Variants in MTUS2 observed in about 807,000 individuals in gnomAD.
MTUS2 encodes microtubule-associated tumor suppressor candidate 2.
A neutral mutation model predicts 114.1 loss-of-function variants in MTUS2; 40 were observed. That is an observed-to-expected ratio of 0.35 (90% CI 0.27 to 0.46). MTUS2 has a LOEUF of 0.46. Ranked by LOEUF, MTUS2 falls within the 20% of genes least tolerant of loss-of-function variation. The pLI, the probability that MTUS2 is intolerant of heterozygous loss-of-function variation, is 1.00. For synonymous variants in MTUS2, 688 were observed against 672.0 expected (o/e 1.02, Z -0.37); for missense variants, 1,679 against 1,705.4 (o/e 0.98, Z 0.27).
intron 2 of MTUS2, among the ~76,000 whole-genome samples, chr13:28,979,239 G>C (rs1884251315): frequency 1.3e-5 from 2 of 152,158 alleles, no homozygotes; most frequent in African/African-American, 4.8e-5. Flanking sequence ...TGTGTTGAGA[G>C]GTCTGACTTC....
chr13:29,415,841 G>T (rs1328713620), intron 8 of MTUS2, among the ~76,000 whole-genome samples: 2 of 151,976 alleles, frequency 1.3e-5, no homozygotes, highest in Non-Finnish European at 2.9e-5. Context: ...TGTTGTTCTA[G>T]TGGTTATATT....
At chr13:29,192,812 A>G (rs920974457) in intron 5 of MTUS2, among the ~76,000 whole-genome samples, 5 of 152,198 alleles carry the variant, frequency 3.3e-5, no homozygotes, top group African/African-American at 1.2e-4. Flanking sequence ...AAACTGGTGT[A>G]TTATGTCTTC....
intron 4 of MTUS2, among the ~76,000 whole-genome samples, chr13:29,065,160 G>A (rs1395657993): frequency 6.6e-6 from 1 of 152,178 alleles, no homozygotes; most frequent in Non-Finnish European, 1.5e-5. Flanking sequence ...AGATTGCTGG[G>A]TTGAATGGTA....
intron 8 of MTUS2, among the ~76,000 whole-genome samples, chr13:29,389,753 ATG>A (rs368554695): frequency 0.36 from 9,048 of 24,946 alleles, 3,124 homozygotes; most frequent in East Asian, 0.67. Context: ...ATACATACAT[ATG>A]TGTGTATATG....
intron 6 of MTUS2, 116 bp from the exon 7 acceptor site, chr13:29,324,497 A>G (rs1900396527): frequency 2.9e-6 from 2 of 694,638 alleles, no homozygotes; most frequent in African/African-American, 1.8e-5. Flanking sequence ...TCACCCAAAT[A>G]TTTCTTTTGT....
chr13:29,052,319 G>GA (rs1887933875), intron 4 of MTUS2, among the ~76,000 whole-genome samples: 1 of 151,746 alleles, frequency 6.6e-6, no homozygotes, highest in African/African-American at 2.4e-5. Context: ...CCGTCTCTCT[G>GA]AAAATACAAA....
At chr13:29,262,310 C>T (rs1246496797) in intron 5 of MTUS2, among the ~76,000 whole-genome samples, 1 of 152,236 alleles carries the variant, frequency 6.6e-6, no homozygotes, top group Non-Finnish European at 1.5e-5. Context: ...CAGAATGCCA[C>T]AGCTCTCTCA....
rs1299927017 is a variant in MTUS2 at position 29,491,680 on chromosome 13, GGT to G, written c.3506-958_3506-957del. ...ATGTAGTGTGTATGCGATTGTGTGT[GGT>G]GTGTGTGGAGTGTGGTGTATTCGTG... On this transcript the variant is annotated intron_variant, in intron 11 of 15. Coordinates refer to ENST00000612955, the MANE Select transcript of MTUS2 (RefSeq NM_001033602.4). Among the ~76,000 whole-genome samples, 15 of 145,228 alleles carry G rather than the reference GGT, an allele frequency of 1.0e-4. No homozygotes were observed. In the South Asian group the frequency reaches 1.8e-3, roughly 17 times the overall value.
chr13:29,357,550 G>T (rs534094361), intron 7 of MTUS2, among the ~76,000 whole-genome samples: 1 of 152,288 alleles, frequency 6.6e-6, no homozygotes, highest in East Asian at 1.9e-4. Flanking sequence ...CTTAGGCTGT[G>T]TCTTAGAGTT....
chr13:29,346,065 G>A (rs1219162688), intron 7 of MTUS2, among the ~76,000 whole-genome samples: 2 of 152,186 alleles, frequency 1.3e-5, no homozygotes, highest in African/African-American at 4.8e-5. Context: ...AGATAGCAGG[G>A]GAGTGAAATG....
At chr13:28,978,188 G>A (rs1403307775) in intron 2 of MTUS2, among the ~76,000 whole-genome samples, 1 of 152,124 alleles carries the variant, frequency 6.6e-6, no homozygotes, top group Non-Finnish European at 1.5e-5. Context: ...TAAGAATATA[G>A]AAAGTTAAGT....
At chr13:29,416,365 G>A (rs1168434922) in intron 8 of MTUS2, among the ~76,000 whole-genome samples, 5 of 151,604 alleles carry the variant, frequency 3.3e-5, no homozygotes, top group East Asian at 3.9e-4. Context: ...AAGACATATA[G>A]CATTTGTACA....
intron 2 of MTUS2, among the ~76,000 whole-genome samples, chr13:28,978,076 CA>C (rs1884196164): frequency 6.6e-6 from 1 of 152,130 alleles, no homozygotes; most frequent in Non-Finnish European, 1.5e-5. Flanking sequence ...ATTTATCTGC[CA>C]AATTAAAGAA....
intron 2 of MTUS2, among the ~76,000 whole-genome samples, chr13:28,903,827 G>C (rs1373669897): frequency 6.6e-6 from 1 of 151,894 alleles, no homozygotes; most frequent in Non-Finnish European, 1.5e-5. Flanking sequence ...GATCCCTGAG[G>C]AATCGCCACA....
At chr13:29,242,055 C>A (rs1195510449) in intron 5 of MTUS2, among the ~76,000 whole-genome samples, 1 of 152,172 alleles carries the variant, frequency 6.6e-6, no homozygotes, top group African/African-American at 2.4e-5. Context: ...AAAGTAATTT[C>A]ATAGGGCTGT....
intron 6 of MTUS2, among the ~76,000 whole-genome samples, chr13:29,318,472 G>A (rs1572339): frequency 2.7e-5 from 4 of 149,406 alleles, no homozygotes; most frequent in African/African-American, 9.9e-5. Context: ...GGGACTAATG[G>A]AGACCAAGCA....
intron 2 of MTUS2, among the ~76,000 whole-genome samples, chr13:28,879,631 A>C (rs1337003545): frequency 6.6e-6 from 1 of 152,150 alleles, no homozygotes; most frequent in Non-Finnish European, 1.5e-5. Context: ...GAGAGAGTGA[A>C]TTTCTCCTGA....
Position 29,480,323 on chromosome 13 carries a change from G to A in MTUS2, c.3358G>A (p.Gly1120Ser), listed in dbSNP as rs771602979. 78 of 1,552,292 alleles carry A rather than the reference G, an allele frequency of 5.0e-5. No individual in the cohort carries two copies. Among genetic ancestry groups the A allele is most frequent in the Admixed American group, 1.9e-4 (10 of 51,900 alleles). ...AEMARLQEEH[G>S]DQLLSIRCQH... ...AATGGCGCGCCTGCAGGAGGAGCAC[G>A]GTGACCAGCTGCTGAGCATCCGGTG... Residue 1120 changes from glycine (G) to serine (S), a missense_variant, in exon 10 of 16, where the codon GGT (glycine) becomes AGT (serine). Physicochemically the swap from Gly to Ser is moderately conservative, Grantham distance 56. Transcript: ENST00000612955. The surrounding 1 kb of genome is among the most constrained non-coding windows in gnomAD (Gnocchi z 4.4).
chr13:28,893,208 G>C (rs1879037642), intron 2 of MTUS2, among the ~76,000 whole-genome samples: 1 of 152,208 alleles, frequency 6.6e-6, no homozygotes, highest in Non-Finnish European at 1.5e-5. Context: ...TGTAGGCAGA[G>C]TCAGGTGTCC....
Sources: gnomAD v4.1 joint callset for allele counts (sites outside exome capture counted in the v4.1 genomes callset) on GRCh38, gnomAD v4.1.1 for gene constraint, Gnocchi (gnomAD v3.1) non-coding constraint, MANE v1.5 for transcripts, NCBI Gene and HGNC (gene_info 2026-07-23, HGNC 2026-07-21) for gene names.